The following NAALADL2 variants were observed in gnomAD, a reference collection of about 807,000 sequenced individuals.
The protein encoded by NAALADL2 is inactive N-acetylated-alpha-linked acidic dipeptidase-like protein 2.
In NAALADL2, 76 loss-of-function variants were observed where a neutral mutation model predicts 87.2. The observed-to-expected ratio is 0.87, with a 90% CI of 0.72 to 1.05. NAALADL2 has a LOEUF of 1.05. Ranked by LOEUF, NAALADL2 falls within the 50% of genes least tolerant of loss-of-function variation. The probability of loss-of-function intolerance (pLI) is 0.00; values close to 1 mark genes in which losing one functional copy is unlikely to be tolerated. For missense variants in NAALADL2, 1,089 were observed against 945.8 expected, an observed-to-expected ratio of 1.15 and a Z score of -1.99; for synonymous variants, 354 against 331.0, an observed-to-expected ratio of 1.07 and a Z score of -0.75.
chr3:174,852,742 C>T (rs1476718870), intron 3 of NAALADL2, among the ~76,000 whole-genome samples: 6 of 152,064 alleles, frequency 3.9e-5, no homozygotes, highest in Non-Finnish European at 8.8e-5. Context: ...CTACAGAAGA[C>T]TCAGAATAGC....
chr3:174,624,065 CTTATT>C (rs1194040866), intron 2 of NAALADL2, among the ~76,000 whole-genome samples: 1 of 152,020 alleles, frequency 6.6e-6, no homozygotes, highest in Non-Finnish European at 1.5e-5. Flanking sequence ...ACTTAGATGT[CTTATT>C]TTAAGATATT....
At chr3:175,566,628 A>G (rs1336150414) in intron 9 of NAALADL2, among the ~76,000 whole-genome samples, 1 of 152,094 alleles carries the variant, frequency 6.6e-6, no homozygotes, top group African/African-American at 2.4e-5. Context: ...CCTTCAAGAC[A>G]CAGTCCATAT....
intron 1 of NAALADL2, among the ~76,000 whole-genome samples, chr3:175,008,011 T>C (rs964657455): frequency 5.9e-5 from 9 of 152,210 alleles, no homozygotes; most frequent in East Asian, 3.9e-4. Context: ...AGATGATTCA[T>C]TTCCCGGGTA....
intron 3 of NAALADL2, among the ~76,000 whole-genome samples, chr3:174,825,960 G>A (rs988785201): frequency 6.6e-6 from 1 of 152,064 alleles, no homozygotes; most frequent in Non-Finnish European, 1.5e-5. Context: ...CCTGGAGGCG[G>A]AGCTTGCAGT....
At chr3:174,926,613 T>A (rs1276593432) in intron 1 of NAALADL2, among the ~76,000 whole-genome samples, 1 of 151,998 alleles carries the variant, frequency 6.6e-6, no homozygotes. Flanking sequence ...CTAAGCTTCA[T>A]AAGTGAAGGA....
At chr3:174,853,201 CAAAAAAAAAAAAA>C (rs34303846) in intron 3 of NAALADL2, among the ~76,000 whole-genome samples, 3 of 45,626 alleles carry the variant, frequency 6.6e-5, no homozygotes, top group Admixed American at 3.5e-4. Context: ...CCGTCTCTAC[CAAAAAAAAAAAAA>C]AAAAAAAAAA....
intron 5 of NAALADL2, among the ~76,000 whole-genome samples, chr3:175,346,158 A>T (rs1022352434): frequency 1.3e-5 from 2 of 152,278 alleles, no homozygotes; most frequent in African/African-American, 4.8e-5. Flanking sequence ...ATATAAATGA[A>T]ATATATTCAT....
chr3:175,787,152 C>T (rs1055030106), intron 13 of NAALADL2, among the ~76,000 whole-genome samples: 13 of 152,290 alleles, frequency 8.5e-5, no homozygotes, highest in South Asian at 2.1e-4. Context: ...GCAGAAGTTA[C>T]TGCTGTCTTT....
chr3:175,767,118 G>A (rs952705162), intron 13 of NAALADL2, among the ~76,000 whole-genome samples: 7 of 152,110 alleles, frequency 4.6e-5, no homozygotes, highest in Non-Finnish European at 8.8e-5. Context: ...CAGTCACCTC[G>A]GAGGAGTACA....
At chr3:175,471,617 C>A (rs769648910) in intron 8 of NAALADL2, 22 bp from the exon 9 acceptor site, 3 of 1,153,196 alleles carry the variant, frequency 2.6e-6, no homozygotes, top group African/African-American at 6.2e-5. Flanking sequence ...ACAGATAGAT[C>A]CTTTTTTTTT....
chr3:174,920,638 A>G (rs897135126), intron 1 of NAALADL2, among the ~76,000 whole-genome samples: 1 of 152,182 alleles, frequency 6.6e-6, no homozygotes, highest in African/African-American at 2.4e-5. Flanking sequence ...CTTTGCTATC[A>G]TTCCTATATT....
chr3:175,010,427 T>A (rs77386361), intron 1 of NAALADL2, among the ~76,000 whole-genome samples: 3,822 of 152,276 alleles, frequency 0.025, 140 homozygotes, highest in East Asian at 0.18. Context: ...ATCTCTAGTC[T>A]GTTCTCATCA....
At chr3:175,010,234 C>A (rs1749599626) in intron 1 of NAALADL2, among the ~76,000 whole-genome samples, 1 of 152,082 alleles carries the variant, frequency 6.6e-6, no homozygotes, top group Non-Finnish European at 1.5e-5. Flanking sequence ...TTTTGGCTAT[C>A]TATAGTCCAA....
chr3:175,119,497 C>T lies in NAALADL2; in HGVS notation c.545+22206C>T, dbSNP rs141117463. Among the ~76,000 whole-genome samples the T allele has an allele frequency of 3.7e-4, 56 of 149,648 alleles. No homozygotes were observed. The East Asian group carries it at 0.011, about 30-fold the overall frequency. ...TAGAGGCAAGGTTATTTGAGAAAGA[C>T]AAAGGAGGTGGGAAGAGAGGCAGAG... On this transcript the variant is annotated intron_variant, in intron 2 of 13. Coordinates refer to ENST00000454872, the MANE Select transcript of NAALADL2 (RefSeq NM_207015.3).
intron 1 of NAALADL2, among the ~76,000 whole-genome samples, chr3:174,928,235 G>T (rs1736368368): frequency 6.6e-6 from 1 of 152,044 alleles, no homozygotes; most frequent in Admixed American, 6.6e-5. Flanking sequence ...ACCCTTATGT[G>T]ACATCTGTTA....
intron 1 of NAALADL2, among the ~76,000 whole-genome samples, chr3:174,865,259 A>T (rs1727010558): frequency 2.0e-5 from 3 of 152,096 alleles, no homozygotes. Flanking sequence ...TGAAAAGTCA[A>T]CTGCTAAATT....
intron 10 of NAALADL2, among the ~76,000 whole-genome samples, chr3:175,609,086 T>G (rs562656624): frequency 6.6e-6 from 1 of 152,064 alleles, no homozygotes; most frequent in South Asian, 2.1e-4. Context: ...AGTGTATAAT[T>G]GCAGGATCAT....
chr3:175,539,868 ATTTG>A (rs1032682489), intron 9 of NAALADL2, among the ~76,000 whole-genome samples: 72 of 152,222 alleles, frequency 4.7e-4, no homozygotes, highest in African/African-American at 1.6e-3. Context: ...CTTGATAACT[ATTTG>A]TTTATGATTC....
At chr3:175,698,448 TATAC>T (rs1738427435) in intron 11 of NAALADL2, among the ~76,000 whole-genome samples, 2 of 136,664 alleles carry the variant, frequency 1.5e-5, no homozygotes, top group African/African-American at 2.9e-5. Flanking sequence ...TTTATGTATG[TATAC>T]ATATATGTGT....
Sources: gnomAD v4.1 joint callset for allele counts (sites outside exome capture counted in the v4.1 genomes callset) on GRCh38, gnomAD v4.1.1 for gene constraint, MANE v1.5 for transcripts, NCBI Gene and HGNC (gene_info 2026-07-23, HGNC 2026-07-21) for gene names.